The following TANC2 variants were observed in gnomAD, a reference collection of about 807,000 sequenced individuals.
TANC2 encodes the protein tetratricopeptide repeat, ankyrin repeat and coiled-coil containing 2, also known as protein TANC2.
TANC2 carries 26 observed loss-of-function variants against 210.5 expected under a neutral mutation model. The ratio of observed to expected loss-of-function variants is 0.12; its 90% confidence interval spans 0.09 to 0.17. The LOEUF is 0.17. Among genes scored for constraint, TANC2 ranks in the 10% least tolerant of loss-of-function variants. The pLI, the probability that TANC2 is intolerant of heterozygous loss-of-function variation, is 1.00. For synonymous variants in TANC2, 931 were observed against 967.1 expected, an observed-to-expected ratio of 0.96 and a Z score of 0.69; for missense variants, 2,129 against 2,608.9, an observed-to-expected ratio of 0.82 and a Z score of 4.01.
chr17:63,123,683 CTTTTTTTTTTTTT>C (rs957485298), intron 4 of TANC2, among the ~76,000 whole-genome samples: 1 of 93,890 alleles, frequency 1.1e-5, no homozygotes, highest in Admixed American at 1.2e-4. Context: ...TAGGTAAAAT[CTTTTTTTTTTTTT>C]TTTTTTTTTT....
chr17:63,375,390 A>G (rs1451910425), intron 14 of TANC2, among the ~76,000 whole-genome samples: 1 of 152,250 alleles, frequency 6.6e-6, no homozygotes, highest in Non-Finnish European at 1.5e-5. Flanking sequence ...AGAAATGCAG[A>G]CATCTCACCA....
rs1298614052 is a variant in TANC2 at position 63,277,270 on chromosome 17, ATCT to A, written c.1159+9405_1159+9407del. Among the ~76,000 whole-genome samples, 11 of 145,774 alleles carry A rather than the reference ATCT, an allele frequency of 7.5e-5. No homozygotes were observed. The South Asian group carries it at 1.3e-3, about 17-fold the overall frequency. Reference sequence around the variant, plus strand: ...CTTGCCTCCCTCCTCTGGTCTTTCCATCTTCTTCTTTTTTTTTTTTTTTAACTT... The same window carrying A: ...CTTGCCTCCCTCCTCTGGTCTTTCCATCTTCTTTTTTTTTTTTTTTAACTT... On this transcript the variant is annotated intron_variant, in intron 9 of 27. Coordinates refer to ENST00000689528, the Ensembl canonical transcript of TANC2.
intron 5 of TANC2, among the ~76,000 whole-genome samples, chr17:63,167,289 C>A (rs2040241222): frequency 6.6e-6 from 1 of 152,082 alleles, no homozygotes; most frequent in Non-Finnish European, 1.5e-5. Context: ...AAGTAAAGGG[C>A]TTAGCACATA....
intron 9 of TANC2, among the ~76,000 whole-genome samples, chr17:63,301,841 G>A (rs183354555): frequency 5.8e-4 from 88 of 152,172 alleles, no homozygotes; most frequent in African/African-American, 2.1e-3. Flanking sequence ...GTTTGCTCTT[G>A]CTTCTCTAGC....
intron 7 of TANC2, among the ~76,000 whole-genome samples, chr17:63,220,437 C>T (rs2042139298): frequency 6.6e-6 from 1 of 151,584 alleles, no homozygotes; most frequent in African/African-American, 2.4e-5. Flanking sequence ...CACGGTGGCT[C>T]ATGTCTGTAA....
At chr17:63,241,860 A>G (rs997154358) in intron 8 of TANC2, among the ~76,000 whole-genome samples, 3 of 152,192 alleles carry the variant, frequency 2.0e-5, no homozygotes, top group African/African-American at 4.8e-5. Context: ...TTACTCAGCT[A>G]TACTGATACA....
rs528787325 is a variant in TANC2, at chr17:63,292,236, A to G, written c.1160-22152A>G. Among the ~76,000 whole-genome samples the G allele has an allele frequency of 4.3e-3, 656 of 152,270 alleles. 6 individuals are homozygous for G. Among genetic ancestry groups the G allele is most frequent in the African/African-American group, 0.015 (609 of 41,554 alleles). Reference sequence around the variant, plus strand: ...CTTTGAGATTGATAAGAAAAAAACAATAAAATATAGAACCTAGGATTGGCA... The same window carrying G: ...CTTTGAGATTGATAAGAAAAAAACAGTAAAATATAGAACCTAGGATTGGCA... On this transcript the variant is annotated intron_variant, in intron 9 of 27. Transcript: ENST00000689528.
chr17:63,338,969 G>A (rs2046130961), intron 11 of TANC2: 1 of 152,288 alleles, frequency 6.6e-6, no homozygotes, highest in South Asian at 2.1e-4. Context: ...TGCCTGATGA[G>A]TTAGAGGTGG....
intron 3 of TANC2, chr17:63,088,343 C>T (rs186527421): frequency 6.6e-6 from 1 of 152,220 alleles, no homozygotes; most frequent in Admixed American, 6.5e-5. Context: ...TTTATATGTC[C>T]TCACCTTTTT....
chr17:63,195,316 C>T (rs2041308809), intron 6 of TANC2, among the ~76,000 whole-genome samples: 1 of 152,138 alleles, frequency 6.6e-6, no homozygotes, highest in Admixed American at 6.5e-5. Flanking sequence ...AGATTTCTCC[C>T]TAGAACCTGT....
At chr17:63,154,620 A>AAC (rs778174095) in intron 5 of TANC2, 132 of 152,274 alleles carry the variant, frequency 8.7e-4, no homozygotes, top group Non-Finnish European at 1.4e-3. Context: ...AAATCAGTTT[A>AAC]ATATATATAA....
chr17:62,988,958 T>C (rs1246742883), intron 1 of TANC2, among the ~76,000 whole-genome samples: 1 of 152,262 alleles, frequency 6.6e-6, no homozygotes, highest in Admixed American at 6.5e-5. Flanking sequence ...TTGTACTTTA[T>C]TTCTGGGATG....
intron 2 of TANC2, among the ~76,000 whole-genome samples, chr17:63,017,998 G>A (rs1039155662): frequency 2.6e-5 from 4 of 151,906 alleles, no homozygotes; most frequent in Non-Finnish European, 4.4e-5. Context: ...TTAAAAAATA[G>A]CCAGACATGG....
At chr17:63,242,314 A>G (rs2042795910) in intron 8 of TANC2, among the ~76,000 whole-genome samples, 1 of 152,124 alleles carries the variant, frequency 6.6e-6, no homozygotes, top group Non-Finnish European at 1.5e-5. Context: ...TACAGAAGGA[A>G]AAGTAAAAGC....
intron 8 of TANC2, among the ~76,000 whole-genome samples, chr17:63,253,011 A>G (rs1412050392): frequency 2.6e-5 from 4 of 152,060 alleles, no homozygotes; most frequent in African/African-American, 7.2e-5. Flanking sequence ...TAGTAGTACT[A>G]TTTTCAATTT....
In TANC2 at chr17:62,976,283, A is replaced by G. The variant is rs2031996517; in HGVS notation, c.-24+9534A>G. Among the ~76,000 whole-genome samples the G allele has an allele frequency of 2.6e-5, 4 of 152,288 alleles. No individual in the cohort carries two copies. The South Asian group carries it at 6.2e-4, about 24-fold the overall frequency. ...CAGCTTTTCTTCAGTTTGATTATGT[A>G]AACAGTTTTAACTTCTACAAATATC... On this transcript the variant is annotated intron_variant, in intron 1 of 27. Coordinates refer to ENST00000689528, the Ensembl canonical transcript of TANC2.
chr17:63,212,276 T>A (rs1438432982), intron 7 of TANC2, among the ~76,000 whole-genome samples: 1 of 152,228 alleles, frequency 6.6e-6, no homozygotes, highest in Non-Finnish European at 1.5e-5. Flanking sequence ...TGACTAACTT[T>A]GTTCTCTTAA....
intron 26 of TANC2, among the ~76,000 whole-genome samples, chr17:63,417,951 A>G (rs1194801123): frequency 1.3e-5 from 2 of 152,226 alleles, no homozygotes; most frequent in East Asian, 3.8e-4. Context: ...AAATGTGGAC[A>G]TGTGTGCGTT....
At chr17:63,073,186 TTTATA>T (rs1373813803) in intron 2 of TANC2, among the ~76,000 whole-genome samples, 2 of 152,102 alleles carry the variant, frequency 1.3e-5, no homozygotes, top group Non-Finnish European at 2.9e-5. Flanking sequence ...AGTTTCATAT[TTTATA>T]TTATACTTTA....
Sources: gnomAD v4.1 joint callset for allele counts (sites outside exome capture counted in the v4.1 genomes callset) on GRCh38, gnomAD v4.1.1 for gene constraint, MANE v1.5 for transcripts, NCBI Gene and HGNC (gene_info 2026-07-23, HGNC 2026-07-21) for gene names.